Variants in MBD5 observed in about 807,000 individuals in gnomAD.
MBD5 encodes the protein methyl-CpG-binding domain protein 5.
Under a neutral mutation model 117.3 loss-of-function variants are expected in MBD5, and 13 were observed. The observed-to-expected ratio is 0.11, with a 90% CI of 0.07 to 0.18. The LOEUF (loss-of-function observed/expected upper bound fraction) is 0.18, where lower values mean the gene tolerates loss of function less well. Ranked by LOEUF, MBD5 falls within the 10% of genes least tolerant of loss-of-function variation. MBD5 has a pLI of 1.00. For missense variants in MBD5, 1,879 were observed against 2,093.8 expected (o/e 0.90, Z 2.00); for synonymous variants, 727 against 766.4 (o/e 0.95, Z 0.85).
At chr2:148,156,914 T>C (rs1282760046) in intron 1 of MBD5, among the ~76,000 whole-genome samples, 2 of 152,208 alleles carry the variant, frequency 1.3e-5, no homozygotes, top group Non-Finnish European at 2.9e-5. Flanking sequence ...ATCTGCCTAT[T>C]GACTGCTCCT....
At position 148,140,922 on chromosome 2, in the gene MBD5, C is replaced by A. The variant is rs544889323; in HGVS notation, c.-924-37778C>A. Among the ~76,000 whole-genome samples, 4 of 151,944 alleles carry A rather than the reference C, an allele frequency of 2.6e-5. No individual in the cohort carries two copies. The South Asian group carries it at 6.2e-4, about 24-fold the overall frequency. On this transcript the variant is annotated intron_variant, in intron 1 of 13. Transcript: ENST00000642680. ...CTGGGACTATAGGTGTGTACCACCT[C>A]GCCCAGCTAATTTTTTTATTTTTTA...
At chr2:148,137,594 A>G (rs1233529984) in intron 1 of MBD5, among the ~76,000 whole-genome samples, 1 of 152,196 alleles carries the variant, frequency 6.6e-6, no homozygotes, top group Admixed American at 6.5e-5. Flanking sequence ...ACACTGTCTC[A>G]GTGATCAATC....
intron 1 of MBD5, chr2:148,026,449 GTCTTT>G (rs1163211938): frequency 1.3e-5 from 2 of 152,258 alleles, no homozygotes; most frequent in African/African-American, 2.4e-5. Context: ...CATAATGTCA[GTCTTT>G]TCTTTGTATG....
chr2:148,289,542 G>A (rs976653196), intron 3 of MBD5, among the ~76,000 whole-genome samples: 6 of 151,892 alleles, frequency 4.0e-5, no homozygotes, highest in African/African-American at 1.5e-4. Flanking sequence ...CCTACATAAA[G>A]GATAAAAAGA....
intron 2 of MBD5, among the ~76,000 whole-genome samples, chr2:148,227,518 C>A (rs1243456688): frequency 6.6e-6 from 1 of 152,086 alleles, no homozygotes; most frequent in East Asian, 1.9e-4. Flanking sequence ...TTACTGTGGG[C>A]TTGTAGTATA....
At chr2:148,413,908 TAAA>T (rs200280301) in intron 4 of MBD5, among the ~76,000 whole-genome samples, 2 of 138,614 alleles carry the variant, frequency 1.4e-5, no homozygotes, top group African/African-American at 5.3e-5. Context: ...ACTTATTTTC[TAAA>T]AAAAAAAAAA....
At chr2:148,060,297 G>GA (rs1694997960) in intron 1 of MBD5, among the ~76,000 whole-genome samples, 1 of 151,506 alleles carries the variant, frequency 6.6e-6, no homozygotes, top group Non-Finnish European at 1.5e-5. Context: ...ATGACAGAGT[G>GA]AGACCCTGTC....
chr2:148,499,810 G>A (rs752887765), intron 11 of MBD5, among the ~76,000 whole-genome samples: 53 of 152,026 alleles, frequency 3.5e-4, no homozygotes, highest in Non-Finnish European at 6.2e-4. Context: ...CATTTTGGGC[G>A]GGGGTATCTT....
At chr2:148,343,312 A>G (rs991760392) in intron 4 of MBD5, among the ~76,000 whole-genome samples, 2 of 152,074 alleles carry the variant, frequency 1.3e-5, no homozygotes, top group African/African-American at 4.8e-5. Flanking sequence ...ACTGGGTTGA[A>G]TGGTAATTCT....
intron 4 of MBD5, among the ~76,000 whole-genome samples, chr2:148,410,667 A>G (rs899841711): frequency 2.0e-5 from 3 of 152,074 alleles, no homozygotes; most frequent in Non-Finnish European, 4.4e-5. Context: ...CTGAACTCCA[A>G]GTGATTCACC....
chr2:148,176,669 A>G (rs901505085), intron 1 of MBD5, among the ~76,000 whole-genome samples: 4 of 152,120 alleles, frequency 2.6e-5, no homozygotes, highest in South Asian at 2.1e-4. Context: ...TCAGCCTCCC[A>G]AAGTGCTGGG....
chr2:148,335,927 A>G (rs185671528), intron 3 of MBD5, among the ~76,000 whole-genome samples: 470 of 152,354 alleles, frequency 3.1e-3, no homozygotes, highest in Non-Finnish European at 4.9e-3. Context: ...CAGCTAGTGC[A>G]TGACAAAAGT....
chr2:148,409,395 AAG>A (rs1299016733), intron 4 of MBD5, among the ~76,000 whole-genome samples: 1 of 133,266 alleles, frequency 7.5e-6, no homozygotes, highest in Admixed American at 7.3e-5. Flanking sequence ...TCAAAAAAAA[AAG>A]AAAGAAAGAA....
intron 1 of MBD5, among the ~76,000 whole-genome samples, chr2:148,049,660 A>G (rs1056417409): frequency 1.3e-5 from 2 of 152,172 alleles, no homozygotes; most frequent in Non-Finnish European, 2.9e-5. Context: ...ATCTAATTCC[A>G]GAATATTTCT....
At chr2:148,398,478 A>T (rs948948557) in intron 4 of MBD5, among the ~76,000 whole-genome samples, 5 of 152,028 alleles carry the variant, frequency 3.3e-5, no homozygotes, top group Admixed American at 2.0e-4. Flanking sequence ...TCATATCCTT[A>T]GCCCACTTTT....
At chr2:148,134,969 A>G (rs537616274) in intron 1 of MBD5, among the ~76,000 whole-genome samples, 122 of 152,268 alleles carry the variant, frequency 8.0e-4, no homozygotes, top group Admixed American at 1.4e-3. Flanking sequence ...TTGAATATCC[A>G]CAATTGTCTT....
At chr2:148,386,490 G>A (rs1431644935) in intron 4 of MBD5, among the ~76,000 whole-genome samples, 4 of 151,744 alleles carry the variant, frequency 2.6e-5, no homozygotes, top group African/African-American at 7.3e-5. Context: ...AGGCCGAGGC[G>A]GGCGGATCAC....
rs1057522316 is a variant in MBD5 at position 148,489,831 on chromosome 2, C to T, written c.4199C>T (p.Pro1400Leu). The change falls in exon 11 of 14, where the codon CCC becomes CTC. Residue 1400 changes from proline (P) to leucine (L), a missense_variant. Transcript: ENST00000642680. ...AGGAATTCAAGAGGGGCTCGGCTGC[C>T]CAAGAATCTAGACCATGGGAAAAAT... ...RLRNSRGARLPKNLDHGKNVN... is the reference protein window; with the variant it reads ...RLRNSRGARLLKNLDHGKNVN... 5 of 1,613,820 alleles carry T rather than the reference C, an allele frequency of 3.1e-6. No individual in the cohort carries two copies. The Admixed American group carries it at 6.7e-5, about 22-fold the overall frequency.
At chr2:148,356,700 A>G (rs556354873) in intron 4 of MBD5, among the ~76,000 whole-genome samples, 20 of 151,872 alleles carry the variant, frequency 1.3e-4, no homozygotes, top group Non-Finnish European at 2.2e-4. Context: ...ATTTTTCTTT[A>G]TGATATTCCC....
Sources: gnomAD v4.1 joint callset for allele counts (sites outside exome capture counted in the v4.1 genomes callset) on GRCh38, gnomAD v4.1.1 for gene constraint, MANE v1.5 for transcripts, NCBI Gene and HGNC (gene_info 2026-07-23, HGNC 2026-07-21) for gene names.